ANAPC11: variants seen among roughly 807,000 people sequenced by gnomAD.
ANAPC11 encodes anaphase-promoting complex subunit 11.
Under a neutral mutation model 11.8 loss-of-function variants are expected in ANAPC11, and 5 were observed. That is an observed-to-expected ratio of 0.42 (90% CI 0.22 to 0.89). The LOEUF (loss-of-function observed/expected upper bound fraction) is 0.89, where lower values mean the gene tolerates loss of function less well. Among genes scored for constraint, ANAPC11 ranks in the 40% least tolerant of loss-of-function variants. ANAPC11 has a pLI of 0.28. For synonymous variants in ANAPC11, 45 were observed against 41.0 expected (o/e 1.10, Z -0.38); for missense variants, 68 against 112.9 (o/e 0.60, Z 1.80).
chr17:81,895,050 C>CTTTTTTTTTTTTTTTTT (rs766422017), intron 3 of ANAPC11, among the ~76,000 whole-genome samples: 2 of 85,070 alleles, frequency 2.4e-5, no homozygotes, highest in Non-Finnish European at 4.6e-5. Context: ...TCTTTCTTTT[C>CTTTTTTTTTTTTTTTTT]TTTTTTTTTT....
At chr17:81,899,359 G>A (rs1194066628) in intron 3 of ANAPC11, 10 of 1,613,812 alleles carry the variant, frequency 6.2e-6, no homozygotes, top group Non-Finnish European at 8.5e-6. Flanking sequence ...CCAACGCCTG[G>A]GCAGCACACC....
In ANAPC11 at chr17:81,899,782, T is replaced by G. The variant is rs2039878235; in HGVS notation, c.110-138T>G. 4.9e-6 allele frequency: 5 copies of G among 1,026,462 alleles called. No homozygotes were observed. In the South Asian group the frequency reaches 6.7e-5, roughly 14 times the overall value. 63.6% of individuals were successfully genotyped at this position (1,026,462 alleles called of 1,614,324 possible). On this transcript the variant is annotated intron_variant, in intron 3 of 3. Transcript: ENST00000344877. ...AGACCGATTGGGTAACACTCCTGAT[T>G]TCGGCTTCTCTGAAACATGAGAGGC... is the stretch of plus-strand genomic sequence containing the variant.
chr17:81,891,449 G>A (rs1457296380), upstream of ANAPC11: 2 of 1,024,462 alleles, frequency 2.0e-6, no homozygotes, highest in African/African-American at 1.8e-5. Flanking sequence ...CACCGCCGCG[G>A]CCGCCCTGGG....
At chr17:81,891,076 C>A, upstream of ANAPC11, 1 of 669,876 alleles carries the variant, frequency 1.5e-6, no homozygotes, top group South Asian at 2.0e-5. Context: ...TCTCCTGCCA[C>A]GAGGCCCCAA....
rs149020039 is a variant in ANAPC11, at chr17:81,896,739, G to A, written c.109+2153G>A. Among the ~76,000 whole-genome samples the A allele has an allele frequency of 6.4e-3, 915 of 143,674 alleles. 8 individuals are homozygous for A. The highest frequency in any genetic ancestry group is 9.9e-3 in the Non-Finnish European group (658 of 66,496). 94.3% of individuals were successfully genotyped at this position (143,674 alleles called of 152,430 possible). On this transcript the variant is annotated intron_variant, in intron 3 of 3. Transcript: ENST00000344877. ...GCTGGACGTGAACTCCTGGGCTCCA[G>A]CCATCCTACTGTCTCAGCCTCCCAA... is the stretch of plus-strand genomic sequence containing the variant.
chr17:81,900,284 G>A (rs3208238), downstream of ANAPC11: 9,027 of 652,444 alleles, frequency 0.014, 79 homozygotes, highest in Middle Eastern at 0.019. Flanking sequence ...CTGTGTTCTC[G>A]GCATATAGAT....
chr17:81,899,370 G>A (rs770056495), intron 3 of ANAPC11: 33 of 1,613,734 alleles, frequency 2.0e-5, no homozygotes, highest in Middle Eastern at 1.6e-4. Flanking sequence ...GCAGCACACC[G>A]GATCCCTGAT....
upstream of ANAPC11, chr17:81,891,346 T>C: frequency 8.6e-7 from 1 of 1,156,206 alleles, no homozygotes; most frequent in East Asian, 4.7e-5. Context: ...GCCGGTCGGT[T>C]CCTGCCGCCT....
At chr17:81,900,262 G>T, downstream of ANAPC11, 1 of 764,234 alleles carries the variant, frequency 1.3e-6, no homozygotes, top group South Asian at 1.9e-5. Context: ...CTTGCTGGAG[G>T]CCTCTGGGTG....
At chr17:81,892,035 G>C (rs2143510415) in intron 1 of ANAPC11, 194 bp downstream of exon 1, 1 of 154,192 alleles carries the variant, frequency 6.5e-6, no homozygotes. Flanking sequence ...GCCCAGGACT[G>C]TGCGCTCGGC....
chr17:81,897,242 G>A (rs1377439224), intron 3 of ANAPC11, among the ~76,000 whole-genome samples: 1 of 151,502 alleles, frequency 6.6e-6, no homozygotes, highest in Non-Finnish European at 1.5e-5. Flanking sequence ...CTCGTGATCC[G>A]CCCACCTCAG....
chr17:81,890,976 C>T (rs980979771), upstream of ANAPC11: 2 of 1,146,504 alleles, frequency 1.7e-6, no homozygotes, highest in African/African-American at 1.6e-5. Flanking sequence ...GCTGCCCCAG[C>T]CCGAGGCCGC....
At chr17:81,899,822 C>A in intron 3 of ANAPC11, 98 bp from the exon 4 acceptor site, 2 of 1,251,040 alleles carry the variant, frequency 1.6e-6, no homozygotes, top group South Asian at 1.5e-5. Context: ...GTGCTGGAGC[C>A]ACTGCCCAGG....
At chr17:81,899,765 T>TGGGTAACACTCCTGATTTCGGC in intron 3 of ANAPC11, 155 bp from the exon 4 acceptor site, 1 of 958,138 alleles carries the variant, frequency 1.0e-6, no homozygotes, top group Non-Finnish European at 1.5e-6. Flanking sequence ...GGAGACCGAT[T>TGGGTAACACTCCTGATTTCGGC]GGGTAACACT....
downstream of ANAPC11, chr17:81,900,344 G>A (rs960079724): frequency 1.8e-5 from 9 of 505,250 alleles, no homozygotes; most frequent in South Asian, 9.4e-5. Flanking sequence ...AAACATCTCC[G>A]TGAAACGCCA....
At chr17:81,891,669 A>ATTGGC (rs1482173069), upstream of ANAPC11, 72 of 1,175,520 alleles carry the variant, frequency 6.1e-5, no homozygotes, top group Non-Finnish European at 7.1e-5. Flanking sequence ...GCGGCTGCTG[A>ATTGGC]TTGGCCGCTG....
At chr17:81,893,757 T>C (rs904459608) in intron 2 of ANAPC11, 143 bp downstream of exon 2, 2 of 127,218 alleles carry the variant, frequency 1.6e-5, no homozygotes, top group African/African-American at 7.0e-5. Context: ...TTTTTTTCCT[T>C]TTTTTTTTTT....
At chr17:81,895,822 G>T (rs1238727792) in intron 3 of ANAPC11, among the ~76,000 whole-genome samples, 4 of 152,180 alleles carry the variant, frequency 2.6e-5, no homozygotes, top group African/African-American at 7.2e-5. Flanking sequence ...ACAAAAATTA[G>T]CTGGGTGTGT....
At chr17:81,891,102 AAG>A (rs2039515803), upstream of ANAPC11, 2 of 638,570 alleles carry the variant, frequency 3.1e-6, no homozygotes, top group African/African-American at 3.8e-5. Context: ...GGAACAAACA[AAG>A]AGCTGGGAAG....
Sources: gnomAD v4.1 joint callset for allele counts (sites outside exome capture counted in the v4.1 genomes callset) on GRCh38, gnomAD v4.1.1 for gene constraint, MANE v1.5 for transcripts, NCBI Gene and HGNC (gene_info 2026-07-23, HGNC 2026-07-21) for gene names.